The following PACRG variants were observed in gnomAD, a reference collection of about 807,000 sequenced individuals.
The protein encoded by PACRG is parkin coregulated gene protein.
PACRG carries 29 observed loss-of-function variants against 29.7 expected under a neutral mutation model. The ratio of observed to expected loss-of-function variants is 0.98; its 90% CI spans 0.73 to 1.33. PACRG has a LOEUF of 1.33. Among genes scored for constraint, PACRG ranks in the 40% most tolerant of loss-of-function variants. The pLI, the probability that PACRG is intolerant of heterozygous loss-of-function variation, is 0.00. For synonymous variants in PACRG, 116 were observed against 118.7 expected (o/e 0.98, Z 0.15); for missense variants, 279 against 316.2 (o/e 0.88, Z 0.89).
chr6:162,823,660 C>T (rs1426438241), intron 2 of PACRG, among the ~76,000 whole-genome samples: 6 of 151,692 alleles, frequency 4.0e-5, no homozygotes, highest in East Asian at 1.9e-4. Flanking sequence ...TACAGGCGCC[C>T]GCCACCACAC....
chr6:163,175,682 G>A (rs989135573), intron 4 of PACRG, among the ~76,000 whole-genome samples: 3 of 151,510 alleles, frequency 2.0e-5, no homozygotes, highest in Non-Finnish European at 4.4e-5. Flanking sequence ...CTGAGGCCTG[G>A]CCTGTGATAC....
At chr6:163,030,013 C>T (rs985084865) in intron 2 of PACRG, among the ~76,000 whole-genome samples, 7 of 152,266 alleles carry the variant, frequency 4.6e-5, no homozygotes, top group Middle Eastern at 3.4e-3. Context: ...AAACTTCATA[C>T]AATGAGGAGG....
intron 2 of PACRG, among the ~76,000 whole-genome samples, chr6:163,056,163 G>T (rs1416751859): frequency 6.6e-6 from 1 of 152,144 alleles, no homozygotes; most frequent in Non-Finnish European, 1.5e-5. Flanking sequence ...TGGCTGGTGG[G>T]AATATAAAAT....
chr6:163,246,300 A>G (rs1782694773), intron 4 of PACRG, among the ~76,000 whole-genome samples: 1 of 152,104 alleles, frequency 6.6e-6, no homozygotes, highest in Admixed American at 6.5e-5. Flanking sequence ...GCACACCAAG[A>G]TTGATGCTGC....
chr6:163,179,146 T>C (rs1779525029), intron 4 of PACRG: 5 of 452,878 alleles, frequency 1.1e-5, no homozygotes, highest in Non-Finnish European at 2.2e-5. Flanking sequence ...CGTGGTTTTA[T>C]AGTGGAAAGC....
intron 4 of PACRG, among the ~76,000 whole-genome samples, chr6:163,279,154 T>C (rs1214534678): frequency 6.6e-6 from 1 of 152,250 alleles, no homozygotes; most frequent in Non-Finnish European, 1.5e-5. Context: ...TGTTGGTGTA[T>C]AGCAGAGCTA....
chr6:163,145,926 C>T (rs1214307359), intron 4 of PACRG, among the ~76,000 whole-genome samples: 1 of 152,158 alleles, frequency 6.6e-6, no homozygotes, highest in African/African-American at 2.4e-5. Context: ...GAGCTGCTGG[C>T]TCTGCCTTCA....
intron 4 of PACRG, among the ~76,000 whole-genome samples, chr6:163,287,358 C>T (rs762549586): frequency 2.0e-5 from 3 of 152,202 alleles, no homozygotes; most frequent in Non-Finnish European, 4.4e-5. Context: ...GGACCCCTCA[C>T]CAGGAAGAGC....
chr6:162,779,161 T>G (rs1163982881), intron 1 of PACRG, among the ~76,000 whole-genome samples: 1 of 152,182 alleles, frequency 6.6e-6, no homozygotes, highest in Admixed American at 6.5e-5. Flanking sequence ...GTTAGTTTGT[T>G]AAGGATACCA....
intron 4 of PACRG, among the ~76,000 whole-genome samples, chr6:163,094,010 A>G (rs1234213079): frequency 6.6e-6 from 1 of 152,198 alleles, no homozygotes; most frequent in Admixed American, 6.5e-5. Context: ...AACAACTTCT[A>G]AGGAGAACCT....
At chr6:162,997,619 G>T in intron 2 of PACRG, 1 of 273,242 alleles carries the variant, frequency 3.7e-6, no homozygotes, top group Non-Finnish European at 7.3e-6. Context: ...CAACGCAGTG[G>T]TAAAGAAGAG....
chr6:162,905,093 C>G (rs1795836761), intron 2 of PACRG, among the ~76,000 whole-genome samples: 1 of 152,142 alleles, frequency 6.6e-6, no homozygotes. Context: ...GCCTCCTGGT[C>G]CCCTGTAAGC....
intron 1 of PACRG, among the ~76,000 whole-genome samples, chr6:162,793,751 T>A (rs180745991): frequency 7.2e-4 from 109 of 152,344 alleles, no homozygotes; most frequent in African/African-American, 2.4e-3. Context: ...CAGGTCCAAA[T>A]ACAAGACTTC....
At chr6:163,277,483 G>GTATATA (rs112325843) in intron 4 of PACRG, among the ~76,000 whole-genome samples, 30,405 of 141,874 alleles carry the variant, frequency 0.21, 3,706 homozygotes, top group Middle Eastern at 0.31. Flanking sequence ...GTGTATGTGT[G>GTATATA]TATATATATA....
chr6:163,234,175 A>C (rs1404226397), intron 4 of PACRG, among the ~76,000 whole-genome samples: 2 of 152,050 alleles, frequency 1.3e-5, no homozygotes, highest in Admixed American at 1.3e-4. Flanking sequence ...TATGGTTTGG[A>C]TATAGCTTGT....
chr6:162,978,457 G>A (rs994288972), intron 2 of PACRG, among the ~76,000 whole-genome samples: 1 of 140,288 alleles, frequency 7.1e-6, no homozygotes, highest in African/African-American at 2.6e-5. Flanking sequence ...CTGTCTGCCT[G>A]TCTGTCTGTC....
rs115144583 is a variant in PACRG, at chr6:163,277,547, A to G, written c.614-37280A>G. 7.3e-3 allele frequency among the ~76,000 whole-genome samples: 1,086 copies of G among 149,138 alleles called. 11 individuals carry two copies. Among genetic ancestry groups the G allele is most frequent in the African/African-American group, 0.026 (1,044 of 40,642 alleles). The stretch of plus-strand genomic sequence containing the variant: ...CACATATATACATATATGTGTATAT[A>G]TGTGTATGCATATGTCTATTTTGTC... On this transcript the variant is annotated intron_variant, in intron 4 of 4. Transcript: ENST00000366888.
chr6:162,728,355 G>C lies in PACRG; in HGVS notation c.120G>C (p.Glu40Asp). 1 of 1,613,680 alleles carries C rather than the reference G, an allele frequency of 6.2e-7. No individual in the cohort carries two copies. The highest frequency in any genetic ancestry group is 8.5e-7 in the Non-Finnish European group (1 of 1,180,028). ...PVHQPHSLVSEGFTVKAMMKN... is the reference protein window; with the variant it reads ...PVHQPHSLVSDGFTVKAMMKN... ...ACCAGCCTCACTCTCTGGTTTCTGA[G>C]GGTTTCACAGTCAAAGCCATGATGA... The change falls in exon 1 of 5, where the codon GAG becomes GAC. Residue 40 changes from glutamate to aspartate, a missense_variant. Glu to Asp is a conservative substitution (Grantham distance 45, BLOSUM62 2). Transcript: ENST00000366888.
intron 4 of PACRG, among the ~76,000 whole-genome samples, chr6:163,130,247 A>G (rs1816680712): frequency 6.6e-6 from 1 of 152,164 alleles, no homozygotes; most frequent in Non-Finnish European, 1.5e-5. Flanking sequence ...GGGGTGGAGG[A>G]TGCTGAACAA....
Sources: gnomAD v4.1 joint callset for allele counts (sites outside exome capture counted in the v4.1 genomes callset) on GRCh38, gnomAD v4.1.1 for gene constraint, MANE v1.5 for transcripts, NCBI Gene and HGNC (gene_info 2026-07-23, HGNC 2026-07-21) for gene names.